Variants in FGGY observed in about 807,000 individuals in gnomAD.
FGGY encodes FGGY carbohydrate kinase domain containing, also known as FGGY carbohydrate kinase domain-containing protein.
FGGY carries 72 observed loss-of-function variants against 71.3 expected under a neutral mutation model. That is an observed-to-expected ratio of 1.01 (90% CI 0.84 to 1.23). The LOEUF is 1.23. Ranked by LOEUF, FGGY falls within the 50% of genes most tolerant of loss-of-function variation. The probability of loss-of-function intolerance (pLI) is 0.00; values close to 1 mark genes in which losing one functional copy is unlikely to be tolerated. For missense variants in FGGY, 668 were observed against 682.3 expected (o/e 0.98, Z 0.23); for synonymous variants, 251 against 250.3 (o/e 1.00, Z -0.02).
At chr1:59,427,967 G>A (rs940520091) in intron 5 of FGGY, among the ~76,000 whole-genome samples, 2 of 152,220 alleles carry the variant, frequency 1.3e-5, no homozygotes, top group African/African-American at 4.8e-5. Context: ...TTAGCTGTCA[G>A]TCTTACTGAT....
intron 3 of FGGY, among the ~76,000 whole-genome samples, chr1:59,341,407 T>G (rs1289665250): frequency 6.6e-6 from 1 of 152,202 alleles, no homozygotes; most frequent in Non-Finnish European, 1.5e-5. Context: ...CCCTTTTCAC[T>G]ATAAGTGATC....
At chr1:59,760,602 T>A (rs1479644124) in intron 15 of FGGY, among the ~76,000 whole-genome samples, 1 of 152,108 alleles carries the variant, frequency 6.6e-6, no homozygotes, top group East Asian at 1.9e-4. Flanking sequence ...TACAATGGAG[T>A]ATTATTCAGC....
At chr1:59,436,272 C>T (rs4912396) in intron 5 of FGGY, among the ~76,000 whole-genome samples, 82,195 of 151,782 alleles carry the variant, frequency 0.54, 22,444 homozygotes, top group Admixed American at 0.58. Flanking sequence ...CTTCCCACGG[C>T]AGGCACCCTC....
In FGGY at chr1:59,441,125, A is replaced by G. The variant is rs143186325; in HGVS notation, c.555-15836A>G. 1.3e-3 allele frequency among the ~76,000 whole-genome samples: 196 copies of G among 152,128 alleles called. 1 individual carries two copies. The highest frequency in any genetic ancestry group is 4.6e-3 in the African/African-American group (192 of 41,518). ...AAAACTTTCTTACAATACTTTTTGC[A>G]TTTCCTCCATATGTCTATTTTCCCA... On this transcript the variant is annotated intron_variant, in intron 5 of 15. Transcript: ENST00000303721.
intron 7 of FGGY, among the ~76,000 whole-genome samples, chr1:59,534,626 G>T (rs947438195): frequency 1.3e-5 from 2 of 152,116 alleles, no homozygotes; most frequent in Non-Finnish European, 2.9e-5. Flanking sequence ...GACTAACAGC[G>T]GATCTCTTGG....
At chr1:59,699,094 T>A (rs555924255) in intron 14 of FGGY, 151 of 985,230 alleles carry the variant, frequency 1.5e-4, no homozygotes, top group Non-Finnish European at 1.7e-4. Context: ...ATTTTTACTC[T>A]GAAAGCTTTT....
chr1:59,679,046 G>A (rs747218701), intron 14 of FGGY, among the ~76,000 whole-genome samples: 4 of 152,198 alleles, frequency 2.6e-5, no homozygotes, highest in African/African-American at 7.2e-5. Context: ...TAAGTGGCCA[G>A]TTGAGAGCTG....
At chr1:59,481,006 T>C (rs939733) in intron 6 of FGGY, among the ~76,000 whole-genome samples, 55,254 of 152,026 alleles carry the variant, frequency 0.36, 10,697 homozygotes, top group Middle Eastern at 0.52. Context: ...TATTTTTAGG[T>C]ATGCATCTTG....
chr1:59,459,022 G>A (rs548763380), intron 6 of FGGY, among the ~76,000 whole-genome samples: 2 of 152,278 alleles, frequency 1.3e-5, no homozygotes, highest in South Asian at 2.1e-4. Context: ...GCAATATAGT[G>A]TGAAACCTTT....
chr1:59,618,900 A>T (rs1167798198), intron 9 of FGGY, among the ~76,000 whole-genome samples: 2 of 152,040 alleles, frequency 1.3e-5, no homozygotes, highest in African/African-American at 4.8e-5. Context: ...CACATCCACT[A>T]ATTATAATTA....
At chr1:59,443,159 A>G (rs1446309136) in intron 5 of FGGY, among the ~76,000 whole-genome samples, 1 of 152,228 alleles carries the variant, frequency 6.6e-6, no homozygotes, top group African/African-American at 2.4e-5. Flanking sequence ...ATTTGTAGAG[A>G]TAATCCTAGC....
At chr1:59,530,833 T>C (rs1046505366) in intron 7 of FGGY, among the ~76,000 whole-genome samples, 1 of 152,154 alleles carries the variant, frequency 6.6e-6, no homozygotes, top group Non-Finnish European at 1.5e-5. Context: ...TTGAGGGCCT[T>C]GAACATCATT....
chr1:59,711,472 A>G lies in FGGY; in HGVS notation c.1512+37339A>G, dbSNP rs577530228. ...ACAACAACAAAGAAAGAATTGAAAG[A>G]AATTGACTGCAAACAATTAATGCCC... On this transcript the variant is annotated intron_variant, in intron 14 of 15. Coordinates refer to ENST00000303721, the MANE Select transcript of FGGY (RefSeq NM_018291.5). 6.6e-5 allele frequency among the ~76,000 whole-genome samples: 10 copies of G among 152,374 alleles called. No individual in the cohort carries two copies. The East Asian group carries it at 1.5e-3, about 23-fold the overall frequency.
intron 11 of FGGY, among the ~76,000 whole-genome samples, chr1:59,640,156 A>T (rs1033185802): frequency 6.6e-6 from 1 of 152,166 alleles, no homozygotes; most frequent in Admixed American, 6.5e-5. Flanking sequence ...CTTGGCAATG[A>T]TTCCCTTTAT....
intron 4 of FGGY, among the ~76,000 whole-genome samples, chr1:59,373,244 C>T (rs1054751537): frequency 5.5e-4 from 83 of 152,246 alleles, no homozygotes; most frequent in Non-Finnish European, 1.1e-3. Flanking sequence ...ACAAAAATCA[C>T]AAGCATTCTT....
At chr1:59,426,227 G>T (rs2066341604) in intron 5 of FGGY, among the ~76,000 whole-genome samples, 1 of 152,124 alleles carries the variant, frequency 6.6e-6, no homozygotes, top group African/African-American at 2.4e-5. Flanking sequence ...TTTGACTTCT[G>T]TCCTTGCTAG....
chr1:59,746,912 A>G lies in FGGY; in HGVS notation c.1513-11019A>G, dbSNP rs532163023. Among the ~76,000 whole-genome samples the G allele has an allele frequency of 4.6e-5, 7 of 152,356 alleles. No individual in the cohort carries two copies. The South Asian group carries it at 1.4e-3, about 32-fold the overall frequency. On this transcript the variant is annotated intron_variant, in intron 14 of 15. Transcript: ENST00000303721. ...TGTTTCACAGCAAATGTTTAAAAGT[A>G]TAGGTTCCAAAGCCATATGTTTTCT...
At chr1:59,664,386 A>G (rs555029457) in intron 12 of FGGY, among the ~76,000 whole-genome samples, 3 of 152,366 alleles carry the variant, frequency 2.0e-5, no homozygotes, top group Non-Finnish European at 4.4e-5. Context: ...ACAATACCAC[A>G]TGGGGGAGAG....
At chr1:59,528,676 G>A (rs925936880) in intron 7 of FGGY, among the ~76,000 whole-genome samples, 1 of 152,118 alleles carries the variant, frequency 6.6e-6, no homozygotes, top group Non-Finnish European at 1.5e-5. Flanking sequence ...TCAGCCTTGT[G>A]ACTCACCACC....
Sources: gnomAD v4.1 joint callset for allele counts (sites outside exome capture counted in the v4.1 genomes callset) on GRCh38, gnomAD v4.1.1 for gene constraint, MANE v1.5 for transcripts, NCBI Gene and HGNC (gene_info 2026-07-23, HGNC 2026-07-21) for gene names.